The following USP34 variants were observed in gnomAD, a reference collection of about 807,000 sequenced individuals.
USP34 encodes the protein ubiquitin specific peptidase 34, also known as ubiquitin carboxyl-terminal hydrolase 34.
USP34 carries 70 observed loss-of-function variants against 460.3 expected under a neutral mutation model. The observed-to-expected ratio is 0.15, with a 90% CI of 0.13 to 0.19. USP34 has a LOEUF of 0.19. Ranked by LOEUF, USP34 falls within the 10% of genes least tolerant of loss-of-function variation. The pLI, the probability that USP34 is intolerant of heterozygous loss-of-function variation, is 1.00. For missense variants in USP34, 3,985 were observed against 4,236.2 expected, an observed-to-expected ratio of 0.94 and a Z score of 1.65; for synonymous variants, 1,647 against 1,405.3, an observed-to-expected ratio of 1.17 and a Z score of -3.85.
chr2:61,293,358 TTTA>T, intron 33 of USP34, 103 bp downstream of exon 33: 2 of 731,504 alleles, frequency 2.7e-6, no homozygotes, highest in Non-Finnish European at 4.4e-6. Context: ...TATTCCATAC[TTTA>T]TTATAAGGAA....
At chr2:61,203,849 A>G (rs566866112) in intron 74 of USP34, among the ~76,000 whole-genome samples, 1 of 152,098 alleles carries the variant, frequency 6.6e-6, no homozygotes, top group Non-Finnish European at 1.5e-5. Context: ...AATGATGACA[A>G]ATCTATCAAT....
chr2:61,222,210 C>T (rs370125531), intron 65 of USP34, among the ~76,000 whole-genome samples: 2 of 152,110 alleles, frequency 1.3e-5, no homozygotes, highest in Non-Finnish European at 2.9e-5. Context: ...TGTTTGACAT[C>T]GATTGTTAAA....
At chr2:61,293,689 T>G in intron 32 of USP34, 139 bp from the exon 33 acceptor site, 1 of 604,668 alleles carries the variant, frequency 1.7e-6, no homozygotes, top group Non-Finnish European at 2.8e-6. Flanking sequence ...CCAAAATAAT[T>G]TCTAGACAAA....
chr2:61,280,315 G>A lies in USP34; in HGVS notation c.5185C>T (p.Pro1729Ser). ...DDYEEEPILK[P>S]GCKEYFWLLC... Reference sequence around the variant, plus strand: ...AACCAAAAATACTCTTTACATCCTGGTTTTAATATTGGTTCTTCCTCATAA... The same window carrying A: ...AACCAAAAATACTCTTTACATCCTGATTTTAATATTGGTTCTTCCTCATAA... The change falls in exon 39 of 80, where the codon CCA (proline) becomes TCA (serine). Residue 1729 changes from proline (P) to serine (S), a missense_variant. Coordinates refer to ENST00000398571, the MANE Select transcript of USP34 (RefSeq NM_014709.4). 1 of 1,549,680 alleles carries A rather than the reference G, an allele frequency of 6.5e-7. No homozygotes were observed. The highest frequency in any genetic ancestry group is 8.7e-7 in the Non-Finnish European group (1 of 1,149,986).
At chr2:61,293,872 G>A (rs994702129) in intron 32 of USP34, among the ~76,000 whole-genome samples, 1 of 151,948 alleles carries the variant, frequency 6.6e-6, no homozygotes, top group Non-Finnish European at 1.5e-5. Context: ...AAAATTGGCC[G>A]GGTATGGTGG....
At chr2:61,242,244 C>T (rs761005702) in intron 51 of USP34, among the ~76,000 whole-genome samples, 2 of 152,052 alleles carry the variant, frequency 1.3e-5, no homozygotes, top group Non-Finnish European at 1.5e-5. Flanking sequence ...CTCATTGGCA[C>T]GAAGCTGTAA....
chr2:61,423,423 A>G (rs1694419242), intron 1 of USP34, among the ~76,000 whole-genome samples: 1 of 152,142 alleles, frequency 6.6e-6, no homozygotes, highest in African/African-American at 2.4e-5. Flanking sequence ...AACAATGAAC[A>G]ATTTAAAAAG....
intron 75 of USP34, among the ~76,000 whole-genome samples, chr2:61,199,354 C>T (rs1686902312): frequency 6.6e-6 from 1 of 152,132 alleles, no homozygotes; most frequent in Non-Finnish European, 1.5e-5. Context: ...CTCCCAGGCT[C>T]AAGCGATTCT....
intron 75 of USP34, among the ~76,000 whole-genome samples, chr2:61,194,975 T>C (rs1269506431): frequency 1.4e-5 from 2 of 145,040 alleles, no homozygotes; most frequent in Non-Finnish European, 3.0e-5. Flanking sequence ...AAAAAAGTTT[T>C]GGGCCAGGTA....
intron 10 of USP34, among the ~76,000 whole-genome samples, chr2:61,359,120 G>GGGACTGTAAATAGCCA (rs1253683580): frequency 6.6e-6 from 1 of 152,064 alleles, no homozygotes; most frequent in Non-Finnish European, 1.5e-5. Flanking sequence ...AGAATTGCAA[G>GGGACTGTAAATAGCCA]GGACTGTAAA....
intron 10 of USP34, among the ~76,000 whole-genome samples, chr2:61,359,747 C>T (rs1692216162): frequency 6.8e-6 from 1 of 147,496 alleles, no homozygotes; most frequent in African/African-American, 2.5e-5. Flanking sequence ...CTTACCTCAG[C>T]ATAAGAGGCC....
At chr2:61,465,892 G>T (rs1695748019) in intron 1 of USP34, among the ~76,000 whole-genome samples, 1 of 152,058 alleles carries the variant, frequency 6.6e-6, no homozygotes, top group Admixed American at 6.6e-5. Flanking sequence ...CAGGAGAATG[G>T]CGTGAACCCG....
intron 62 of USP34, among the ~76,000 whole-genome samples, chr2:61,226,142 C>G (rs373413426): frequency 1.3e-5 from 2 of 152,154 alleles, no homozygotes; most frequent in African/African-American, 4.8e-5. Context: ...CCATTTTAAA[C>G]AGCAAAATCA....
Position 61,188,842 on chromosome 2 carries a change from C to T in USP34, c.10033+68G>A, listed in dbSNP as rs1021580181. The T allele has an allele frequency of 1.2e-4, 191 of 1,587,442 alleles. 1 individual carries two copies. The Admixed American group carries it at 3.4e-3, about 28-fold the overall frequency. On this transcript the variant is annotated intron_variant, in intron 79 of 79. Coordinates refer to ENST00000398571, the MANE Select transcript of USP34 (RefSeq NM_014709.4). ...TCAGCTGAACACACAACTCTTAAAC[C>T]AGTTACACCAAGTGTATTACTCCCT... is the stretch of plus-strand genomic sequence containing the variant.
chr2:61,312,982 T>G (rs960807669), intron 25 of USP34, among the ~76,000 whole-genome samples: 3 of 152,158 alleles, frequency 2.0e-5, no homozygotes, highest in Non-Finnish European at 2.9e-5. Context: ...CAAAGAACAA[T>G]TATATTTTCA....
chr2:61,470,592 G>A (rs1695926279), intron 1 of USP34, 58 bp downstream of exon 1: 3 of 1,266,524 alleles, frequency 2.4e-6, no homozygotes, highest in Non-Finnish European at 3.4e-6. Flanking sequence ...GGAGGCCAGA[G>A]AGCTGCGCGA....
At position 61,216,376 on chromosome 2, in the gene USP34, G is replaced by C. The variant is rs187681600; in HGVS notation, c.8048-1682C>G. 6.4e-4 allele frequency among the ~76,000 whole-genome samples: 95 copies of C among 147,678 alleles called. 1 individual carries two copies. The highest frequency in any genetic ancestry group is 2.1e-3 in the African/African-American group (84 of 39,952). On this transcript the variant is annotated intron_variant, in intron 67 of 79. Coordinates refer to ENST00000398571, the MANE Select transcript of USP34 (RefSeq NM_014709.4). ...AGCATTTTGGGAGGCCAAGGCGGGC[G>C]GATCACGAGGTCAGGAGCTCGAGAT... is the stretch of plus-strand genomic sequence containing the variant.
intron 43 of USP34, among the ~76,000 whole-genome samples, chr2:61,261,745 A>C (rs1388323148): frequency 3.3e-5 from 5 of 152,172 alleles, no homozygotes; most frequent in African/African-American, 1.2e-4. Context: ...AATTAACTGA[A>C]GTGTTCATCT....
At chr2:61,287,229 C>T (rs1050020179) in intron 34 of USP34, among the ~76,000 whole-genome samples, 5 of 152,214 alleles carry the variant, frequency 3.3e-5, no homozygotes, top group Middle Eastern at 3.4e-3. Flanking sequence ...ACCTTATGTC[C>T]GTCACAATCT....
Sources: gnomAD v4.1 joint callset for allele counts (sites outside exome capture counted in the v4.1 genomes callset) on GRCh38, gnomAD v4.1.1 for gene constraint, MANE v1.5 for transcripts, NCBI Gene and HGNC (gene_info 2026-07-23, HGNC 2026-07-21) for gene names.